The following STXBP5L variants were observed in gnomAD, a reference collection of about 807,000 sequenced individuals.
STXBP5L encodes syntaxin binding protein 5L, also known as syntaxin-binding protein 5-like.
Under a neutral mutation model 144.5 loss-of-function variants are expected in STXBP5L, and 65 were observed. The ratio of observed to expected loss-of-function variants is 0.45; its 90% CI spans 0.37 to 0.55. The LOEUF is 0.55. Ranked by LOEUF, STXBP5L falls within the 20% of genes least tolerant of loss-of-function variation. STXBP5L has a pLI of 0.00. For synonymous variants in STXBP5L, 505 were observed against 469.6 expected (o/e 1.08, Z -0.97); for missense variants, 1,298 against 1,405.5 (o/e 0.92, Z 1.22).
rs139316986 is a variant in STXBP5L at position 121,369,425 on chromosome 3, TTTC to T, written c.2177-9285_2177-9283del. ...TTTCCTGATTTTGTTTAGTTTTTTCTTTCTTCTTTGTTCTTCTTAGGTCACTGA... is the reference window on the plus strand; with the variant it reads ...TTTCCTGATTTTGTTTAGTTTTTTCTTTCTTTGTTCTTCTTAGGTCACTGA... On this transcript the variant is annotated intron_variant, in intron 20 of 26. Transcript: ENST00000471454. Among the ~76,000 whole-genome samples, 1,286 of 152,238 alleles carry T rather than the reference TTTC, an allele frequency of 8.4e-3. 5 individuals carry two copies. Among genetic ancestry groups the T allele is most frequent in the Non-Finnish European group, 0.013 (892 of 68,010 alleles).
At chr3:121,061,830 C>T (rs2041295219) in intron 5 of STXBP5L, among the ~76,000 whole-genome samples, 1 of 152,260 alleles carries the variant, frequency 6.6e-6, no homozygotes, top group South Asian at 2.1e-4. Flanking sequence ...GGTAAATGTT[C>T]CTCCATCCCT....
intron 2 of STXBP5L, among the ~76,000 whole-genome samples, chr3:120,922,202 G>T (rs1709392697): frequency 6.6e-6 from 1 of 151,824 alleles, no homozygotes; most frequent in Admixed American, 6.6e-5. Context: ...GGTATTCATA[G>T]GTATTTTATA....
At chr3:121,094,343 C>T (rs946220265) in intron 5 of STXBP5L, among the ~76,000 whole-genome samples, 9 of 152,168 alleles carry the variant, frequency 5.9e-5, no homozygotes, top group African/African-American at 1.4e-4. Context: ...CTTTCTGTCT[C>T]GTTGATCTGT....
intron 22 of STXBP5L, among the ~76,000 whole-genome samples, chr3:121,396,558 C>T (rs2046734448): frequency 6.6e-6 from 1 of 152,170 alleles, no homozygotes; most frequent in Admixed American, 6.5e-5. Context: ...GTGTGACATC[C>T]GTTTGCCAAA....
At chr3:120,965,776 G>A (rs957872141) in intron 3 of STXBP5L, among the ~76,000 whole-genome samples, 8 of 152,140 alleles carry the variant, frequency 5.3e-5, no homozygotes, top group Admixed American at 1.3e-4. Flanking sequence ...TTCTCAAAGA[G>A]TATCTTTATG....
chr3:121,417,525 G>A (rs2047266695), intron 25 of STXBP5L, among the ~76,000 whole-genome samples: 1 of 151,820 alleles, frequency 6.6e-6, no homozygotes, highest in Non-Finnish European at 1.5e-5. Context: ...GAGTAAAGTG[G>A]CACAATCATA....
chr3:121,328,101 G>A (rs1483611117), intron 20 of STXBP5L, among the ~76,000 whole-genome samples: 2 of 152,176 alleles, frequency 1.3e-5, no homozygotes, highest in African/African-American at 4.8e-5. Flanking sequence ...ACAATTGAAG[G>A]CTTTATCAAG....
rs72968024 is a variant in STXBP5L at position 121,230,954 on chromosome 3, A to G, written c.1112-2662A>G. ...AGCTCTAGAATCAATTAGAAAGCCA[A>G]TAAGTCTCTTTTCTACATTAGATTA... is the stretch of plus-strand genomic sequence containing the variant. On this transcript the variant is annotated intron_variant, in intron 11 of 26. Transcript: ENST00000471454. Among the ~76,000 whole-genome samples, 381 of 152,310 alleles carry G rather than the reference A, an allele frequency of 2.5e-3. 2 individuals carry two copies. The highest frequency in any genetic ancestry group is 8.6e-3 in the African/African-American group (358 of 41,562).
intron 5 of STXBP5L, among the ~76,000 whole-genome samples, chr3:121,066,032 G>A (rs994788278): frequency 6.6e-6 from 1 of 152,108 alleles, no homozygotes; most frequent in South Asian, 2.1e-4. Context: ...CAAGATGGAG[G>A]TCGTAATCAT....
chr3:121,332,350 T>A (rs1217735047), intron 20 of STXBP5L, among the ~76,000 whole-genome samples: 4 of 148,896 alleles, frequency 2.7e-5, no homozygotes, highest in African/African-American at 4.9e-5. Flanking sequence ...TGAAAAAAAA[T>A]TTAAAAATAA....
At chr3:121,313,219 A>ACC (rs201619403) in intron 19 of STXBP5L, among the ~76,000 whole-genome samples, 6 of 101,176 alleles carry the variant, frequency 5.9e-5, no homozygotes, top group Admixed American at 4.4e-4. Context: ...AGGGGGGCTG[A>ACC]CCCCCCCCAC....
intron 9 of STXBP5L, among the ~76,000 whole-genome samples, chr3:121,161,750 A>G (rs1209230124): frequency 2.6e-5 from 4 of 152,102 alleles, no homozygotes; most frequent in African/African-American, 4.8e-5. Context: ...TACATATGCA[A>G]TCATACACAC....
rs1255962232 is a variant in STXBP5L at position 121,233,660 on chromosome 3, C to G, written c.1156C>G (p.Leu386Val). Residue 386 changes from leucine to valine, a missense_variant, in exon 12 of 27, where the codon CTC becomes GTC. Transcript: ENST00000471454. ...YAVVVLLEKD[L>V]IVVDLTQSNF... is the part of the protein sequence containing the mutation. ...TGTCGTGGTACTTCTGGAGAAAGAT[C>G]TCATTGTAGTTGATCTGACACAAAG... is the stretch of plus-strand genomic sequence containing the variant. The G allele has an allele frequency of 1.2e-6, 2 of 1,612,344 alleles. No individual in the cohort carries two copies. The highest frequency in any genetic ancestry group is 1.7e-6 in the Non-Finnish European group (2 of 1,179,162).
chr3:121,164,684 A>G (rs550509028), intron 9 of STXBP5L, among the ~76,000 whole-genome samples: 5 of 152,354 alleles, frequency 3.3e-5, no homozygotes, highest in African/African-American at 1.2e-4. Context: ...AGGTATTTAA[A>G]TACAATGTAA....
At chr3:121,052,222 C>T (rs1948066529) in intron 5 of STXBP5L, among the ~76,000 whole-genome samples, 1 of 152,214 alleles carries the variant, frequency 6.6e-6, no homozygotes, top group Admixed American at 6.5e-5. Flanking sequence ...TCCTCCCTAA[C>T]TCATTTTATG....
At chr3:121,346,365 G>C (rs1227648752) in intron 20 of STXBP5L, among the ~76,000 whole-genome samples, 1 of 151,976 alleles carries the variant, frequency 6.6e-6, no homozygotes, top group South Asian at 2.1e-4. Flanking sequence ...TGGGCATTGG[G>C]GTTGGTTCCA....
At position 121,005,467 on chromosome 3, in the gene STXBP5L, G is replaced by A. The variant is rs145579707; in HGVS notation, c.288-36233G>A. Among the ~76,000 whole-genome samples the A allele has an allele frequency of 2.5e-3, 380 of 152,050 alleles. 1 individual carries two copies. The highest frequency in any genetic ancestry group is 8.5e-3 in the African/African-American group (354 of 41,506). On this transcript the variant is annotated intron_variant, in intron 3 of 26. Coordinates refer to ENST00000471454, the MANE Select transcript of STXBP5L (RefSeq NM_001308330.2). ...TTTCTTCTTTATTAGTCATGCTAGCGGTCTATCAATTTTGTTGATCTTTTC... is the reference window on the plus strand; with the variant it reads ...TTTCTTCTTTATTAGTCATGCTAGCAGTCTATCAATTTTGTTGATCTTTTC...
chr3:121,023,594 T>C (rs996075024), intron 3 of STXBP5L, among the ~76,000 whole-genome samples: 1 of 152,118 alleles, frequency 6.6e-6, no homozygotes, highest in Non-Finnish European at 1.5e-5. Flanking sequence ...AGCCAACTTA[T>C]CTTTGACAAA....
chr3:121,024,812 A>G (rs1945809226), intron 3 of STXBP5L, among the ~76,000 whole-genome samples: 1 of 152,220 alleles, frequency 6.6e-6, no homozygotes, highest in Non-Finnish European at 1.5e-5. Flanking sequence ...AAATTAAAAG[A>G]TAATAAAGAC....
Sources: gnomAD v4.1 joint callset for allele counts (sites outside exome capture counted in the v4.1 genomes callset) on GRCh38, gnomAD v4.1.1 for gene constraint, MANE v1.5 for transcripts, NCBI Gene and HGNC (gene_info 2026-07-23, HGNC 2026-07-21) for gene names.